EXOC4: variants seen among roughly 807,000 people sequenced by gnomAD.
EXOC4 encodes the protein exocyst complex component 4.
A neutral mutation model predicts 107.2 loss-of-function variants in EXOC4; 71 were observed. That is an observed-to-expected ratio of 0.66 (90% CI 0.55 to 0.81). The LOEUF (loss-of-function observed/expected upper bound fraction) is 0.81, where lower values mean the gene tolerates loss of function less well. Ranked by LOEUF, EXOC4 falls within the 30% of genes least tolerant of loss-of-function variation. EXOC4 has a pLI of 0.00. For missense variants in EXOC4, 1,108 were observed against 1,189.6 expected (o/e 0.93, Z 1.01); for synonymous variants, 456 against 441.2 (o/e 1.03, Z -0.42).
intron 13 of EXOC4, among the ~76,000 whole-genome samples, chr7:133,927,134 G>A (rs1192448926): frequency 8.0e-6 from 1 of 125,362 alleles, no homozygotes; most frequent in Non-Finnish European, 1.8e-5. Context: ...GAAATAAAAT[G>A]TAAAAAAAAA....
chr7:133,719,096 G>A (rs1412274047), intron 10 of EXOC4, among the ~76,000 whole-genome samples: 1 of 152,120 alleles, frequency 6.6e-6, no homozygotes, highest in Non-Finnish European at 1.5e-5. Context: ...TTGAATCATG[G>A]GGGCAGGTCT....
chr7:133,339,031 CGTGAGCCACT>C (rs1347755192), intron 5 of EXOC4, among the ~76,000 whole-genome samples: 2 of 152,102 alleles, frequency 1.3e-5, no homozygotes, highest in African/African-American at 4.8e-5. Context: ...GGATTACAGG[CGTGAGCCACT>C]GTGCCCAGCC....
intron 9 of EXOC4, among the ~76,000 whole-genome samples, chr7:133,574,974 A>T (rs10488169): frequency 0.23 from 34,399 of 152,156 alleles, 4,491 homozygotes; most frequent in African/African-American, 0.34. Context: ...ATTGTTTCAT[A>T]TGCGTTTATA....
At chr7:134,086,780 T>C in the EXOC4 span, among the ~76,000 whole-genome samples, 1 of 152,186 alleles carries the variant, frequency 6.6e-6, no homozygotes, top group African/African-American at 2.4e-5. Context: ...GGCTACTCCA[T>C]AGACAGAGCA....
intron 13 of EXOC4, among the ~76,000 whole-genome samples, chr7:133,922,374 C>G (rs1446503975): frequency 2.0e-5 from 3 of 152,044 alleles, no homozygotes; most frequent in African/African-American, 7.2e-5. Flanking sequence ...CTAGTTTAAT[C>G]TATTTTTGGA....
In EXOC4 at chr7:133,910,253, T is replaced by G. The variant is rs970800214; in HGVS notation, c.1872-7330T>G. Among the ~76,000 whole-genome samples the G allele has an allele frequency of 5.3e-5, 8 of 152,234 alleles. No homozygotes were observed. In the South Asian group the frequency reaches 1.0e-3, roughly 20 times the overall value. On this transcript the variant is annotated intron_variant, in intron 12 of 17. Coordinates refer to ENST00000253861, the MANE Select transcript of EXOC4 (RefSeq NM_021807.4). ...GATTTTATATGAATTCTTGGTCCAC[T>G]TCCTGTGTTACAGTATAATTTTTTT...
At chr7:133,840,162 G>A (rs1001893013) in intron 11 of EXOC4, among the ~76,000 whole-genome samples, 9 of 152,170 alleles carry the variant, frequency 5.9e-5, no homozygotes, top group African/African-American at 1.9e-4. Flanking sequence ...TTATTGAGGG[G>A]AATAGATACA....
intron 9 of EXOC4, among the ~76,000 whole-genome samples, chr7:133,510,927 G>A (rs572483341): frequency 6.6e-6 from 1 of 152,216 alleles, no homozygotes; most frequent in East Asian, 1.9e-4. Context: ...GAATTGTAGT[G>A]TGCCGGTACA....
chr7:133,737,721 G>A (rs1562976938), intron 10 of EXOC4, among the ~76,000 whole-genome samples: 1 of 151,844 alleles, frequency 6.6e-6, no homozygotes, highest in East Asian at 1.9e-4. Context: ...GGTTTTTCAG[G>A]TTTGTTTTGT....
At chr7:133,732,657 A>G (rs181915538) in intron 10 of EXOC4, 2 of 153,610 alleles carry the variant, frequency 1.3e-5, no homozygotes, top group Admixed American at 6.5e-5. Flanking sequence ...TAACCAAGAC[A>G]TCATGGAAAG....
intron 10 of EXOC4, among the ~76,000 whole-genome samples, chr7:133,735,219 CAAAAAAAAAAAAAAAAAA>C (rs56769096): frequency 1.8e-4 from 6 of 33,494 alleles, no homozygotes; most frequent in Non-Finnish European, 2.4e-4. Context: ...GACTCTGTCT[CAAAAAAAAAAAAAAAAAA>C]AAAAAAAAAA....
At chr7:133,622,230 C>T (rs1001519018) in intron 9 of EXOC4, among the ~76,000 whole-genome samples, 5 of 152,162 alleles carry the variant, frequency 3.3e-5, no homozygotes, top group African/African-American at 1.2e-4. Context: ...CCATCTCGGC[C>T]TCCCATAGCG....
At chr7:133,310,329 C>T (rs1209893227) in intron 4 of EXOC4, among the ~76,000 whole-genome samples, 2 of 152,090 alleles carry the variant, frequency 1.3e-5, no homozygotes, top group African/African-American at 2.4e-5. Flanking sequence ...ACTTAATGCC[C>T]TCAATAGGCA....
At chr7:133,867,730 C>T (rs1798671096) in intron 11 of EXOC4, among the ~76,000 whole-genome samples, 1 of 152,166 alleles carries the variant, frequency 6.6e-6, no homozygotes, top group African/African-American at 2.4e-5. Context: ...AAACCCTAAT[C>T]AGTTACTTAA....
chr7:133,275,384 T>C (rs1442095196), intron 2 of EXOC4, among the ~76,000 whole-genome samples: 2 of 152,132 alleles, frequency 1.3e-5, no homozygotes, highest in African/African-American at 4.8e-5. Context: ...GTCTTATCCT[T>C]GGTTCTGCCA....
Position 133,475,366 on chromosome 7 carries a change from T to C in EXOC4, c.1221T>C (p.Arg407=). ...AGTACTTGGATATGAAAAATACTCG[T>C]ACGGCCTCTGAACCATCAGCTCAAC... The part of the protein sequence containing the change: ...LTEYLDMKNT[R]TASEPSAQLS... Residue 407 remains arginine (R), a synonymous_variant, in exon 8 of 18, where the codon CGT becomes CGC. Coordinates refer to ENST00000253861, the MANE Select transcript of EXOC4 (RefSeq NM_021807.4). The C allele has an allele frequency of 6.2e-7, 1 of 1,613,918 alleles. No individual in the cohort carries two copies. The highest frequency in any genetic ancestry group is 1.1e-5 in the South Asian group (1 of 91,082).
the EXOC4 span, among the ~76,000 whole-genome samples, chr7:134,089,049 T>A: frequency 0.22 from 32,875 of 152,098 alleles, 5,450 homozygotes; most frequent in African/African-American, 0.47. Flanking sequence ...CCCTTTACAA[T>A]TTTTTATTAA....
chr7:133,950,414 C>T (rs1800662780), intron 14 of EXOC4, among the ~76,000 whole-genome samples: 1 of 152,266 alleles, frequency 6.6e-6, no homozygotes, highest in Middle Eastern at 3.4e-3. Flanking sequence ...GTATACTTTA[C>T]CCAAGCTTTG....
chr7:133,879,408 T>C (rs753848201), intron 11 of EXOC4, among the ~76,000 whole-genome samples: 5 of 152,150 alleles, frequency 3.3e-5, no homozygotes, highest in Non-Finnish European at 7.3e-5. Context: ...TTTGTAATTA[T>C]GTTATTTTTT....
Sources: gnomAD v4.1 joint callset for allele counts (sites outside exome capture counted in the v4.1 genomes callset) on GRCh38, gnomAD v4.1.1 for gene constraint, MANE v1.5 for transcripts, NCBI Gene and HGNC (gene_info 2026-07-23, HGNC 2026-07-21) for gene names.